The following H6PD variants were observed in gnomAD, a reference collection of about 807,000 sequenced individuals.
The protein encoded by H6PD is GDH/6PGL endoplasmic bifunctional protein.
In H6PD, 48 loss-of-function variants were observed where a neutral mutation model predicts 61.2. The ratio of observed to expected loss-of-function variants is 0.78; its 90% CI spans 0.62 to 1.00. H6PD has a LOEUF of 1.00. Among genes scored for constraint, H6PD ranks in the 50% least tolerant of loss-of-function variants. H6PD has a pLI of 0.00. For synonymous variants in H6PD, 480 were observed against 457.9 expected, an observed-to-expected ratio of 1.05 and a Z score of -0.62; for missense variants, 1,093 against 1,065.0, an observed-to-expected ratio of 1.03 and a Z score of -0.37.
intron 3 of H6PD, among the ~76,000 whole-genome samples, chr1:9,248,850 C>A (rs139947677): frequency 1.3e-5 from 2 of 152,318 alleles, no homozygotes; most frequent in African/African-American, 4.8e-5. Flanking sequence ...GGGAATCGTC[C>A]TCCAGCCCTT....
At chr1:9,248,431 A>G (rs1641254456) in intron 3 of H6PD, among the ~76,000 whole-genome samples, 1 of 152,126 alleles carries the variant, frequency 6.6e-6, no homozygotes, top group Non-Finnish European at 1.5e-5. Context: ...CCTCTCAGAT[A>G]TGGCTCCCTA....
intron 3 of H6PD, among the ~76,000 whole-genome samples, chr1:9,249,510 G>T (rs549848973): frequency 6.6e-6 from 1 of 152,156 alleles, no homozygotes; most frequent in South Asian, 2.1e-4. Context: ...CAGCTGCAGG[G>T]ACTAAAGGAG....
intron 3 of H6PD, 27 bp from the exon 4 acceptor site, chr1:9,262,032 C>T: frequency 6.2e-7 from 1 of 1,613,604 alleles, no homozygotes; most frequent in South Asian, 1.1e-5. Context: ...TTTAGATCCT[C>T]CCCACTTCTC....
At chr1:9,235,393 G>GGT (rs1045070167) in intron 1 of H6PD, among the ~76,000 whole-genome samples, 5 of 152,084 alleles carry the variant, frequency 3.3e-5, no homozygotes, top group African/African-American at 1.2e-4. Flanking sequence ...TCTAGTGAAC[G>GGT]GTTTTCCAGG....
chr1:9,246,186 C>T (rs576583201), intron 2 of H6PD, among the ~76,000 whole-genome samples: 108 of 149,902 alleles, frequency 7.2e-4, no homozygotes, highest in African/African-American at 2.5e-3. Context: ...TCAAGTGATC[C>T]GCTCACTTCG....
rs139025246 is a variant in H6PD at position 9,248,272 on chromosome 1, C to A, written c.745+1189C>A. On this transcript the variant is annotated intron_variant, in intron 3 of 4. Transcript: ENST00000377403. The stretch of plus-strand genomic sequence containing the variant: ...GGAGGTTTCTCCTCTTTTTCTCTCT[C>A]CCTTGCTCTTTCTCTGGGCCATTTT... 7.5e-3 allele frequency among the ~76,000 whole-genome samples: 1,140 copies of A among 152,360 alleles called. 12 individuals carry two copies. The highest frequency in any genetic ancestry group is 0.026 in the African/African-American group (1,079 of 41,576).
At position 9,246,993 on chromosome 1, in the gene H6PD, G is replaced by T; in HGVS notation, c.655G>T (p.Asp219Tyr). Residue 219 changes from aspartate (D) to tyrosine (Y), a missense_variant, in exon 3 of 5, where the codon GAC becomes TAC. Transcript: ENST00000377403. ...QAVAQILPFRDQNRKALDGLW... is the reference protein window; with the variant it reads ...QAVAQILPFRYQNRKALDGLW... ...TGTGGCGCAGATCCTGCCTTTCCGA[G>T]ACCAGAACCGCAAGGCTTTGGACGG... 6.2e-7 allele frequency: 1 copy of T among 1,613,874 alleles called. No individual in the cohort carries two copies. The highest frequency in any genetic ancestry group is 1.1e-5 in the South Asian group (1 of 91,068).
intron 1 of H6PD, among the ~76,000 whole-genome samples, chr1:9,240,549 T>C (rs2268175): frequency 0.49 from 74,874 of 152,050 alleles, 20,054 homozygotes; most frequent in African/African-American, 0.72. Context: ...ATGACTTGTT[T>C]AAGGTTATGT....
rs35486518 is a variant in H6PD at position 9,242,346 on chromosome 1, TA to T, written c.-10-2568del. 3.1e-3 allele frequency among the ~76,000 whole-genome samples: 458 copies of T among 147,392 alleles called. 1 individual carries two copies. Among genetic ancestry groups the T allele is most frequent in the African/African-American group, 9.7e-3 (391 of 40,322 alleles). The stretch of plus-strand genomic sequence containing the variant: ...AAACACTGTAAAGGTTAAAAAAACA[TA>T]AAAAAAAAAATACCCACACATACTA... On this transcript the variant is annotated intron_variant, in intron 1 of 4. Transcript: ENST00000377403.
chr1:9,251,039 T>A (rs867962337), intron 3 of H6PD, among the ~76,000 whole-genome samples: 4 of 152,172 alleles, frequency 2.6e-5, no homozygotes, highest in Non-Finnish European at 5.9e-5. Flanking sequence ...GTGCTCCTCC[T>A]GTGCGTCCCA....
intron 1 of H6PD, chr1:9,240,024 T>A: frequency 8.1e-7 from 1 of 1,230,262 alleles, no homozygotes; most frequent in Non-Finnish European, 1.0e-6. Context: ...AACTGGTAAG[T>A]CTCTCCCAGG....
intron 1 of H6PD, among the ~76,000 whole-genome samples, chr1:9,237,510 G>C (rs917676418): frequency 6.6e-5 from 10 of 152,048 alleles, no homozygotes; most frequent in African/African-American, 2.4e-4. Context: ...TGGGATTATA[G>C]GCGTAAGCCA....
chr1:9,243,653 A>G (rs1434794768), intron 1 of H6PD, among the ~76,000 whole-genome samples: 1 of 152,198 alleles, frequency 6.6e-6, no homozygotes, highest in Non-Finnish European at 1.5e-5. Context: ...GAAGGGCAGA[A>G]CAAACAAATA....
At chr1:9,244,735 C>A (rs530577289) in intron 1 of H6PD, among the ~76,000 whole-genome samples, 190 bp from the exon 2 acceptor site, 3 of 152,218 alleles carry the variant, frequency 2.0e-5, no homozygotes, top group Non-Finnish European at 4.4e-5. Flanking sequence ...GGGCAGGCTC[C>A]CTACCCACTG....
rs532478871 is a variant in H6PD, at chr1:9,261,972, C to T, written c.746-87C>T. 1.4e-4 allele frequency: 193 copies of T among 1,338,006 alleles called. No homozygotes were observed. The Middle Eastern group carries it at 2.9e-3, about 20-fold the overall frequency. 82.9% of individuals were successfully genotyped at this position (1,338,006 alleles called of 1,614,324 possible). A position where few individuals can be genotyped will look rare whatever the true frequency, so the allele number is the denominator to read the frequency against. ...GGGAAGAGGATGCAGGATGAATGTG[C>T]GGGCTGGGGTTTTGGTGCACCTCGG... On this transcript the variant is annotated intron_variant, in intron 3 of 4. Coordinates refer to ENST00000377403, the MANE Select transcript of H6PD (RefSeq NM_004285.4).
intron 1 of H6PD, among the ~76,000 whole-genome samples, chr1:9,239,234 A>G (rs1358903695): frequency 6.6e-6 from 1 of 152,072 alleles, no homozygotes. Context: ...TTTAGTAGAA[A>G]CGGGTTTTTG....
In H6PD at chr1:9,269,035, C is replaced by A. The variant is rs532633437; in HGVS notation, c.*4166C>A. ...GCACATGGGGCTCCCTTAGAACTTA[C>A]TCCACTGATTTAAAAAAAAAAAACT... On this transcript the variant is annotated 3_prime_UTR_variant, in exon 5 of 5. Coordinates refer to ENST00000377403, the MANE Select transcript of H6PD (RefSeq NM_004285.4). The surrounding 1 kb of genome is among the most constrained non-coding windows in gnomAD (Gnocchi z 4.3). The A allele has an allele frequency of 2.8e-5, 4 of 140,922 alleles. No individual in the cohort carries two copies. Among genetic ancestry groups the A allele is most frequent in the Admixed American group, 2.2e-4 (3 of 13,830 alleles). 8.7% of individuals were successfully genotyped at this position (140,922 alleles called of 1,614,324 possible).
intron 1 of H6PD, among the ~76,000 whole-genome samples, chr1:9,241,431 A>C (rs1338379101): frequency 6.6e-6 from 1 of 151,966 alleles, no homozygotes; most frequent in Non-Finnish European, 1.5e-5. Flanking sequence ...TTGAGACAGG[A>C]TCTTGCTCTG....
intron 4 of H6PD, 55 bp downstream of exon 4, chr1:9,262,383 C>A: frequency 6.6e-7 from 1 of 1,507,470 alleles, no homozygotes; most frequent in Non-Finnish European, 9.0e-7. Context: ...CCGGGAGCAG[C>A]TTTCCAAATG....
Sources: allele counts gnomAD v4.1 joint callset (sites outside exome capture counted in the v4.1 genomes callset), GRCh38; gene constraint gnomAD v4.1.1; non-coding constraint Gnocchi (gnomAD v3.1); transcripts MANE v1.5; gene names NCBI Gene and HGNC (gene_info 2026-07-23, HGNC 2026-07-21).